Variants in SLC39A10 observed in about 807,000 individuals in gnomAD.
The protein encoded by SLC39A10 is zinc transporter ZIP10.
Under a neutral mutation model 65.1 loss-of-function variants are expected in SLC39A10, and 13 were observed. The observed-to-expected ratio is 0.20, with a 90% confidence interval of 0.13 to 0.32. SLC39A10 has a LOEUF of 0.32. Among genes scored for constraint, SLC39A10 ranks in the 10% least tolerant of loss-of-function variants. SLC39A10 has a pLI of 1.00. For synonymous variants in SLC39A10, 321 were observed against 342.2 expected (o/e 0.94, Z 0.68); for missense variants, 831 against 1,018.4 (o/e 0.82, Z 2.50).
At chr2:195,692,116 C>A (rs532223813) in intron 3 of SLC39A10, among the ~76,000 whole-genome samples, 59 of 152,192 alleles carry the variant, frequency 3.9e-4, no homozygotes, top group African/African-American at 1.4e-3. Context: ...TGTCCTTTCC[C>A]CACTTTATGT....
chr2:195,680,118 C>T lies in SLC39A10; in HGVS notation c.76C>T (p.His26Tyr). ...TATTTTTCATCATTGCAACCATTGC[C>T]ATGAAGAACATGACCATGGCCCTGA... The part of the protein sequence containing the change: ...TFIFHHCNHC[H>Y]EEHDHGPEAL... Residue 26 changes from histidine (H) to tyrosine (Y), a missense_variant, in exon 2 of 10, where the codon CAT becomes TAT. By Grantham distance (83) the His-to-Tyr change is moderately conservative. Coordinates refer to ENST00000359634, the MANE Select transcript of SLC39A10 (RefSeq NM_020342.3). 1 of 1,613,054 alleles carries T rather than the reference C, an allele frequency of 6.2e-7. No homozygotes were observed.
intron 1 of SLC39A10, among the ~76,000 whole-genome samples, chr2:195,661,670 G>T (rs541959785): frequency 4.6e-5 from 7 of 152,284 alleles, no homozygotes; most frequent in African/African-American, 1.7e-4. Context: ...CTATCAGAAC[G>T]TAAGGGTTTT....
chr2:195,718,350 AT>A lies in SLC39A10; in HGVS notation c.2146+22del. On this transcript the variant is annotated intron_variant, in intron 8 of 9. Coordinates refer to ENST00000359634, the MANE Select transcript of SLC39A10 (RefSeq NM_020342.3). ...TGAATTAGGTAATATAACCTTAAAA[AT>A]TTTACCAGATTTCATCAAATCTAAG... 6.4e-7 allele frequency: 1 copy of A among 1,554,956 alleles called. No individual in the cohort carries two copies. Among genetic ancestry groups the A allele is most frequent in the South Asian group, 1.2e-5 (1 of 86,248 alleles).
At chr2:195,659,627 A>G (rs1689304188) in intron 1 of SLC39A10, among the ~76,000 whole-genome samples, 1 of 152,304 alleles carries the variant, frequency 6.6e-6, no homozygotes, top group African/African-American at 2.4e-5. Flanking sequence ...TGAAATTTTA[A>G]AAGTTCAAAA....
At chr2:195,668,656 T>TA (rs1266431563) in intron 1 of SLC39A10, among the ~76,000 whole-genome samples, 5 of 152,210 alleles carry the variant, frequency 3.3e-5, no homozygotes, top group African/African-American at 9.6e-5. Flanking sequence ...CATTTTCCTT[T>TA]AAAAAAATAC....
intron 2 of SLC39A10, among the ~76,000 whole-genome samples, chr2:195,631,532 G>A (rs1053341800): frequency 4.6e-5 from 7 of 151,984 alleles, no homozygotes; most frequent in African/African-American, 1.7e-4. Flanking sequence ...ATCCTTAAAA[G>A]CAATCTCAAT....
chr2:195,635,705 C>CT (rs1260077376), intron 2 of SLC39A10, among the ~76,000 whole-genome samples: 1 of 48,228 alleles, frequency 2.1e-5, no homozygotes, highest in African/African-American at 8.2e-5. Context: ...GGAACCCCCC[C>CT]CACTTTTTTT....
chr2:195,720,387 C>T (rs1691987299), intron 8 of SLC39A10, among the ~76,000 whole-genome samples: 1 of 152,140 alleles, frequency 6.6e-6, no homozygotes, highest in South Asian at 2.1e-4. Context: ...TGTAAATACT[C>T]ATTCACATGG....
chr2:195,723,815 G>A (rs1327400863), intron 8 of SLC39A10, among the ~76,000 whole-genome samples: 1 of 151,892 alleles, frequency 6.6e-6, no homozygotes, highest in Admixed American at 6.6e-5. Context: ...GTACTATTGT[G>A]TAGTATACCA....
chr2:195,702,254 G>C (rs917150500), intron 3 of SLC39A10, among the ~76,000 whole-genome samples: 3 of 152,154 alleles, frequency 2.0e-5, no homozygotes, highest in African/African-American at 4.8e-5. Context: ...TCAGTGATCA[G>C]AGTACAGATC....
intron 1 of SLC39A10, among the ~76,000 whole-genome samples, chr2:195,678,689 CTTTCCAGTACA>C (rs1485679442): frequency 1.3e-5 from 2 of 151,630 alleles, no homozygotes; most frequent in Admixed American, 6.6e-5. Context: ...AAGATCTGCG[CTTTCCAGTACA>C]GTAGCCAGTA....
chr2:195,721,011 G>A (rs1441899440), intron 8 of SLC39A10, among the ~76,000 whole-genome samples: 4 of 152,094 alleles, frequency 2.6e-5, no homozygotes, highest in African/African-American at 4.8e-5. Flanking sequence ...GCTTGATCAC[G>A]GCTTAGTGCA....
At chr2:195,677,428 G>T (rs1444935084) in intron 1 of SLC39A10, among the ~76,000 whole-genome samples, 1 of 152,138 alleles carries the variant, frequency 6.6e-6, no homozygotes, top group African/African-American at 2.4e-5. Context: ...CAGCTACTTG[G>T]AAGGCTAAGG....
At chr2:195,670,307 A>G (rs1418980481) in intron 1 of SLC39A10, 2 of 151,942 alleles carry the variant, frequency 1.3e-5, no homozygotes, top group African/African-American at 4.8e-5. Flanking sequence ...ACATTGTGGA[A>G]TGTCTAAATT....
rs979573536 is a variant in SLC39A10, at chr2:195,729,724, G to A, written c.2337+1375G>A. Among the ~76,000 whole-genome samples the A allele has an allele frequency of 4.6e-5, 7 of 152,126 alleles. 1 individual carries two copies. In the South Asian group the frequency reaches 1.5e-3, roughly 32 times the overall value. ...CTTCTCCCTTCTTAAAGAGGTGGGG[G>A]ACCTCTCTTAGTTCCAACTTCCCCT... On this transcript the variant is annotated intron_variant, in intron 9 of 9. Transcript: ENST00000359634.
chr2:195,730,721 A>G (rs1166418358), intron 9 of SLC39A10, among the ~76,000 whole-genome samples: 4 of 152,202 alleles, frequency 2.6e-5, no homozygotes, highest in African/African-American at 9.6e-5. Context: ...GACTAATCCA[A>G]CTGTACTTGA....
At chr2:195,642,420 A>G (rs1209985142) in intron 2 of SLC39A10, among the ~76,000 whole-genome samples, 1 of 152,210 alleles carries the variant, frequency 6.6e-6, no homozygotes, top group East Asian at 1.9e-4. Flanking sequence ...ACCCCTGAGG[A>G]ACACAGCAGA....
chr2:195,715,996 C>T (rs1691793775), intron 6 of SLC39A10, among the ~76,000 whole-genome samples: 1 of 152,196 alleles, frequency 6.6e-6, no homozygotes, highest in African/African-American at 2.4e-5. Flanking sequence ...GTCAACACTA[C>T]AGTTAGTAAA....
At chr2:195,627,392 T>C (rs185147670) in intron 2 of SLC39A10, among the ~76,000 whole-genome samples, 28 of 152,304 alleles carry the variant, frequency 1.8e-4, no homozygotes, top group Middle Eastern at 3.4e-3. Flanking sequence ...CCCATTTAAA[T>C]TGTGCCAAAT....
Sources: gnomAD v4.1 joint callset for allele counts (sites outside exome capture counted in the v4.1 genomes callset) on GRCh38, gnomAD v4.1.1 for gene constraint, MANE v1.5 for transcripts, NCBI Gene and HGNC (gene_info 2026-07-23, HGNC 2026-07-21) for gene names.